EPHA4: variants seen among roughly 807,000 people sequenced by gnomAD.
The protein encoded by EPHA4 is ephrin type-A receptor 4.
In EPHA4, 19 loss-of-function variants were observed where a neutral mutation model predicts 108.3. The observed-to-expected ratio is 0.18, with a 90% CI of 0.12 to 0.26. The LOEUF is 0.26. Among genes scored for constraint, EPHA4 ranks in the 10% least tolerant of loss-of-function variants. EPHA4 has a pLI of 1.00. For missense variants in EPHA4, 917 were observed against 1,254.0 expected (o/e 0.73, Z 4.06); for synonymous variants, 449 against 455.5 (o/e 0.99, Z 0.18).
intron 13 of EPHA4, among the ~76,000 whole-genome samples, chr2:221,435,061 T>G (rs1371692264): frequency 6.6e-6 from 1 of 152,198 alleles, no homozygotes; most frequent in African/African-American, 2.4e-5. Flanking sequence ...CTGGGGAAAT[T>G]AATTCAAGTC....
At chr2:221,562,140 G>A (rs13390661) in intron 3 of EPHA4, among the ~76,000 whole-genome samples, 1 of 151,666 alleles carries the variant, frequency 6.6e-6, no homozygotes, top group Non-Finnish European at 1.5e-5. Flanking sequence ...ACCAAAAATC[G>A]AGGCCTTAAT....
chr2:221,536,852 A>T (rs928134779), intron 3 of EPHA4, among the ~76,000 whole-genome samples: 4 of 152,216 alleles, frequency 2.6e-5, no homozygotes, highest in African/African-American at 9.6e-5. Flanking sequence ...TCTGGGCTTT[A>T]GTTTCCTCAT....
chr2:221,568,557 G>C (rs1694736113), intron 2 of EPHA4, among the ~76,000 whole-genome samples, 161 bp downstream of exon 2: 1 of 152,102 alleles, frequency 6.6e-6, no homozygotes, highest in Non-Finnish European at 1.5e-5. Flanking sequence ...TATCCAAAGG[G>C]AGTATAGGAT....
At chr2:221,450,061 G>T (rs1044424735) in intron 8 of EPHA4, among the ~76,000 whole-genome samples, 1 of 152,184 alleles carries the variant, frequency 6.6e-6, no homozygotes, top group Non-Finnish European at 1.5e-5. Context: ...TGTTCCCGAG[G>T]TATCATCTGC....
intron 5 of EPHA4, among the ~76,000 whole-genome samples, chr2:221,477,041 TTTATTTTA>T (rs1691674510): frequency 7.9e-6 from 1 of 127,038 alleles, no homozygotes; most frequent in South Asian, 2.4e-4. Context: ...GTAATGCCAC[TTTATTTTA>T]TTATTATTAT....
intron 8 of EPHA4, among the ~76,000 whole-genome samples, chr2:221,449,835 A>T (rs1352274625): frequency 6.6e-6 from 1 of 152,230 alleles, no homozygotes; most frequent in Non-Finnish European, 1.5e-5. Context: ...AAAGGTAAGT[A>T]ATTTATTCAG....
intron 3 of EPHA4, among the ~76,000 whole-genome samples, chr2:221,521,609 A>G (rs905875099): frequency 6.6e-6 from 1 of 152,208 alleles, no homozygotes; most frequent in Non-Finnish European, 1.5e-5. Flanking sequence ...AGATTCAGAA[A>G]AAGTTTAAGG....
At chr2:221,458,056 C>G in intron 5 of EPHA4, 66 bp from the exon 6 acceptor site, 1 of 1,560,396 alleles carries the variant, frequency 6.4e-7, no homozygotes, top group Non-Finnish European at 8.7e-7. Context: ...TGGTGGTAGC[C>G]AGAAATAATT....
At chr2:221,534,091 A>G (rs542610314) in intron 3 of EPHA4, among the ~76,000 whole-genome samples, 6 of 152,366 alleles carry the variant, frequency 3.9e-5, no homozygotes, top group East Asian at 1.9e-4. Context: ...CAGGGACTCA[A>G]TTTCAAAAAT....
chr2:221,552,856 G>T (rs77854913), intron 3 of EPHA4, among the ~76,000 whole-genome samples: 6,398 of 152,206 alleles, frequency 0.042, 402 homozygotes, highest in African/African-American at 0.15. Flanking sequence ...CAATTAAGAT[G>T]CAACCTATTT....
intron 5 of EPHA4, among the ~76,000 whole-genome samples, chr2:221,468,167 C>A (rs1296004502): frequency 3.3e-5 from 5 of 151,526 alleles, no homozygotes; most frequent in Non-Finnish European, 7.4e-5. Flanking sequence ...GGATGGTGAA[C>A]CTTCACCAAA....
At chr2:221,555,302 A>G (rs1694273812) in intron 3 of EPHA4, among the ~76,000 whole-genome samples, 1 of 152,192 alleles carries the variant, frequency 6.6e-6, no homozygotes, top group South Asian at 2.1e-4. Flanking sequence ...GCATAAACAG[A>G]AGGAGATTTT....
At chr2:221,483,091 T>A (rs60506918) in intron 4 of EPHA4, among the ~76,000 whole-genome samples, 17 of 152,252 alleles carry the variant, frequency 1.1e-4, no homozygotes, top group African/African-American at 4.1e-4. Context: ...AATAGTTATA[T>A]ACCACTTCTG....
In EPHA4 at chr2:221,455,657, C is replaced by A. The variant is rs764581838; in HGVS notation, c.1605G>T (p.Val535=). 4.5e-5 allele frequency: 73 copies of A among 1,611,310 alleles called. No individual in the cohort carries two copies. The highest frequency in any genetic ancestry group is 5.3e-5 in the Non-Finnish European group (62 of 1,177,854). Residue 535 remains valine (V), a splice_region_variant and synonymous_variant, in exon 8 of 18, where the codon GTG becomes GTT. Transcript: ENST00000281821. ...CCCCATCTCCAATGATCCGGGAAGGCACTGGGAATGACAATTGCATAAGGG... is the reference window on the plus strand; with the variant it reads ...CCCCATCTCCAATGATCCGGGAAGGAACTGGGAATGACAATTGCATAAGGG... ...SEPLEVTTNT[V]PSRIIGDGAN... is the part of the protein sequence containing the mutation.
intron 3 of EPHA4, among the ~76,000 whole-genome samples, chr2:221,532,298 T>C (rs1266721543): frequency 1.3e-5 from 2 of 152,056 alleles, no homozygotes; most frequent in African/African-American, 4.8e-5. Context: ...AATTTTTGTA[T>C]TTTTAGTAGA....
intron 3 of EPHA4, among the ~76,000 whole-genome samples, chr2:221,512,598 A>AC (rs1233695332): frequency 6.6e-6 from 1 of 152,148 alleles, no homozygotes; most frequent in African/African-American, 2.4e-5. Flanking sequence ...ATTACAGATA[A>AC]CAGGTCAGGG....
At chr2:221,566,678 A>T (rs1694638097) in intron 2 of EPHA4, among the ~76,000 whole-genome samples, 1 of 151,594 alleles carries the variant, frequency 6.6e-6, no homozygotes, top group South Asian at 2.1e-4. Context: ...TGGGTCGTAT[A>T]CAGTCAGCTC....
At chr2:221,498,079 TATGG>T (rs1692354822) in intron 4 of EPHA4, among the ~76,000 whole-genome samples, 1 of 152,146 alleles carries the variant, frequency 6.6e-6, no homozygotes, top group Non-Finnish European at 1.5e-5. Context: ...AACACAGACA[TATGG>T]CCATCTTTGG....
At chr2:221,567,692 T>A (rs1694715450) in intron 2 of EPHA4, among the ~76,000 whole-genome samples, 1 of 152,236 alleles carries the variant, frequency 6.6e-6, no homozygotes, top group Non-Finnish European at 1.5e-5. Context: ...TTCTGAAATA[T>A]GTCCTTGATA....
Sources: allele counts gnomAD v4.1 joint callset (sites outside exome capture counted in the v4.1 genomes callset), GRCh38; gene constraint gnomAD v4.1.1; transcripts MANE v1.5; gene names NCBI Gene and HGNC (gene_info 2026-07-23, HGNC 2026-07-21).